Variants in SNTA1 observed in about 807,000 individuals in gnomAD.
SNTA1 encodes syntrophin alpha 1, also known as alpha-1-syntrophin.
In SNTA1, 31 loss-of-function variants were observed where a neutral mutation model predicts 47.1. The observed-to-expected ratio is 0.66, with a 90% confidence interval of 0.49 to 0.89. The LOEUF is 0.89. SNTA1 is among the 40% of genes least tolerant of loss of function. The pLI, the probability that SNTA1 is intolerant of heterozygous loss-of-function variation, is 0.00. For synonymous variants in SNTA1, 300 were observed against 313.6 expected, an observed-to-expected ratio of 0.96 and a Z score of 0.46; for missense variants, 575 against 693.0, an observed-to-expected ratio of 0.83 and a Z score of 1.91.
rs1990641488 is a variant in SNTA1, at chr20:33,443,729, C to A, written c.-109G>T. On this transcript the variant is annotated 5_prime_UTR_variant, in exon 1 of 8. Transcript: ENST00000217381. ...GCAGCGGGGGCCCGGCTGGGCCAGC[C>A]GCCACCCTACCCCGGCCGCTGGGGG... 1 of 629,696 alleles carries A rather than the reference C, an allele frequency of 1.6e-6. No homozygotes were observed. Among genetic ancestry groups the A allele is most frequent in the Non-Finnish European group, 2.1e-6 (1 of 475,264 alleles). The allele number at this position is 629,696 out of a possible 1,614,324, so 39.0% of individuals were successfully genotyped here.
At chr20:33,409,104 C>G (rs1412514218) in intron 6 of SNTA1, among the ~76,000 whole-genome samples, 1 of 152,046 alleles carries the variant, frequency 6.6e-6, no homozygotes, top group African/African-American at 2.4e-5. Context: ...TCCAGCAGCA[C>G]AAGTAGAAAG....
rs6059313 is a variant in SNTA1, at chr20:33,421,130, G to A, written c.497-3207C>T. Among the ~76,000 whole-genome samples the A allele has an allele frequency of 4.5e-3, 607 of 135,916 alleles. 7 individuals carry two copies. The highest frequency in any genetic ancestry group is 0.015 in the African/African-American group (570 of 37,696). The allele number at this position is 135,916 out of a possible 152,430, so 89.2% of individuals were successfully genotyped here. On this transcript the variant is annotated intron_variant, in intron 2 of 7. Coordinates refer to ENST00000217381, the MANE Select transcript of SNTA1 (RefSeq NM_003098.3). ...AGAGGCTGCAGCAAGCCATGATTAC[G>A]CCATTGCACTCCAGTCTGGTAACAG... is the stretch of plus-strand genomic sequence containing the variant.
intron 2 of SNTA1, among the ~76,000 whole-genome samples, chr20:33,429,646 A>G (rs1293809285): frequency 1.3e-5 from 2 of 152,102 alleles, no homozygotes; most frequent in African/African-American, 2.4e-5. Context: ...AACAAAAACA[A>G]AAACAAAAAA....
At position 33,443,610 on chromosome 20, in the gene SNTA1, C is replaced by T; in HGVS notation, c.11G>A (p.Gly4Asp). The change falls in exon 1 of 8, where the codon GGC becomes GAC. Residue 4 changes from glycine (G) to aspartate (D), a missense_variant. Transcript: ENST00000217381. MASGRRAPRTGLLE... is the reference protein window; with the variant it reads MASDRRAPRTGLLE... Reference sequence around the variant, plus strand: ...CAGCCCGGTGCGCGGGGCGCGCCTGCCGGACGCCATCTTCGCCTCCGAGCC... The same window carrying T: ...CAGCCCGGTGCGCGGGGCGCGCCTGTCGGACGCCATCTTCGCCTCCGAGCC... The T allele has an allele frequency of 8.1e-7, 1 of 1,227,062 alleles. No individual in the cohort carries two copies. The highest frequency in any genetic ancestry group is 2.8e-5 in the South Asian group (1 of 35,900). 76.0% of individuals were successfully genotyped at this position (1,227,062 alleles called of 1,614,324 possible). A position where few individuals can be genotyped will look rare whatever the true frequency, so the allele number is the denominator to read the frequency against.
In SNTA1 at chr20:33,443,498, G is replaced by A. The variant is rs1476277698; in HGVS notation, c.123C>T (p.Thr41=). The change falls in exon 1 of 8, where the codon ACC becomes ACT. Residue 41 remains threonine (T), a synonymous_variant. Transcript: ENST00000217381. ...VLLSLAEDVL[T]VSPADGDPGP... ...CAGGGTCGCCGTCGGCGGGGCTCAC[G>A]GTCAGCACGTCCTCCGCCAGACTCA... 1.4e-6 allele frequency: 2 copies of A among 1,379,680 alleles called. No individual in the cohort carries two copies. Among genetic ancestry groups the A allele is most frequent in the Non-Finnish European group, 1.9e-6 (2 of 1,061,670 alleles). The allele number at this position is 1,379,680 out of a possible 1,614,324, so 85.5% of individuals were successfully genotyped here.
intron 2 of SNTA1, among the ~76,000 whole-genome samples, chr20:33,436,860 G>A (rs1478315459): frequency 6.6e-6 from 1 of 150,726 alleles, no homozygotes; most frequent in Non-Finnish European, 1.5e-5. Flanking sequence ...CAGCTACTCG[G>A]AAGGCTAAGG....
rs1186334279 is a variant in SNTA1, at chr20:33,438,960, G to A, written c.377C>T (p.Thr126Ile). Residue 126 changes from threonine (T) to isoleucine (I), a missense_variant, in exon 2 of 8, where the codon ACA (threonine) becomes ATA (isoleucine). Thr to Ile is a moderately conservative substitution (Grantham distance 89). Coordinates refer to ENST00000217381, the MANE Select transcript of SNTA1 (RefSeq NM_003098.3). ...GGCATCCCCCACAAAAAGGGCCTCT[G>A]TCTGGTCAGCTGCCAATCCCTTGAA... The part of the protein sequence containing the change: ...KIFKGLAADQ[T>I]EALFVGDAIL... 2.5e-6 allele frequency: 4 copies of A among 1,614,070 alleles called. No homozygotes were observed. Among genetic ancestry groups the A allele is most frequent in the Non-Finnish European group, 3.4e-6 (4 of 1,180,030 alleles).
At chr20:33,408,661 C>T (rs766323075) in intron 7 of SNTA1, 40 bp downstream of exon 7, 15 of 1,610,764 alleles carry the variant, frequency 9.3e-6, no homozygotes, top group East Asian at 8.9e-5. Context: ...AGAGTGCACA[C>T]CCCCTCCTCC....
chr20:33,421,952 GTC>G (rs1403040688), intron 2 of SNTA1, among the ~76,000 whole-genome samples: 1 of 89,770 alleles, frequency 1.1e-5, no homozygotes, highest in Non-Finnish European at 2.1e-5. Flanking sequence ...GCAAGACCCT[GTC>G]TCCAAAAAAA....
At chr20:33,440,731 C>G (rs1411756183) in intron 1 of SNTA1, among the ~76,000 whole-genome samples, 3 of 151,574 alleles carry the variant, frequency 2.0e-5, no homozygotes, top group Non-Finnish European at 2.9e-5. Flanking sequence ...GGCACGAGAA[C>G]TGCTTGAACC....
intron 6 of SNTA1, among the ~76,000 whole-genome samples, chr20:33,409,438 C>T (rs1423732251): frequency 2.6e-5 from 4 of 151,972 alleles, no homozygotes; most frequent in Admixed American, 6.6e-5. Flanking sequence ...ACCTGCACAT[C>T]CAAAACAGAG....
In SNTA1 at chr20:33,412,320, C is replaced by G; in HGVS notation, c.1016G>C (p.Arg339Pro). 6.2e-7 allele frequency: 1 copy of G among 1,611,660 alleles called. No individual in the cohort carries two copies. Among genetic ancestry groups the G allele is most frequent in the Non-Finnish European group, 8.5e-7 (1 of 1,179,484 alleles). ...ETREALSRPA[R>P]TAPLIATRLV... ...CCTGGTGGCGATGAGTGGGGCAGTA[C>G]GGGCTGGCCGGCTCAGGGCCTCGCG... is the stretch of plus-strand genomic sequence containing the variant. Residue 339 changes from arginine to proline, a missense_variant, in exon 5 of 8, where the codon CGT becomes CCT. Physicochemically the swap from Arg to Pro is moderately radical, Grantham distance 103. Transcript: ENST00000217381.
chr20:33,438,709 G>C, intron 2 of SNTA1, 132 bp downstream of exon 2: 1 of 822,820 alleles, frequency 1.2e-6, no homozygotes, highest in South Asian at 1.4e-5. Flanking sequence ...CCCAAATTCT[G>C]TTTCTGTTTT....
At chr20:33,438,752 G>T in intron 2 of SNTA1, 89 bp downstream of exon 2, 1 of 1,120,858 alleles carries the variant, frequency 8.9e-7, no homozygotes, top group Non-Finnish European at 1.4e-6. Context: ...CCCAGTGCTG[G>T]GATGGGGCCT....
At chr20:33,427,397 C>A (rs1335016927) in intron 2 of SNTA1, among the ~76,000 whole-genome samples, 1 of 152,108 alleles carries the variant, frequency 6.6e-6, no homozygotes, top group Non-Finnish European at 1.5e-5. Context: ...ACCCATCCAC[C>A]CAGGATGGTG....
chr20:33,414,932 T>C (rs1170106023), intron 3 of SNTA1, among the ~76,000 whole-genome samples: 2 of 152,138 alleles, frequency 1.3e-5, no homozygotes, highest in Non-Finnish European at 2.9e-5. Flanking sequence ...CTTGTTGGAG[T>C]TTCTGTACTT....
In SNTA1 at chr20:33,417,766, C is replaced by A; in HGVS notation, c.654G>T (p.Lys218Asn). ...NFSEAKHMSL[K>N]MAYVSKRCTP... is the part of the protein sequence containing the mutation. Reference sequence around the variant, plus strand: ...TGCACCTCTTCGAGACATATGCCATCTTCAAGGACATGTGTTTGGCCTCGC... The same window carrying A: ...TGCACCTCTTCGAGACATATGCCATATTCAAGGACATGTGTTTGGCCTCGC... Residue 218 changes from lysine to asparagine, a missense_variant, in exon 3 of 8, where the codon AAG becomes AAT. By Grantham distance (94) the Lys-to-Asn change is moderately conservative. Transcript: ENST00000217381. The A allele has an allele frequency of 1.9e-6, 3 of 1,614,160 alleles. No homozygotes were observed. The highest frequency in any genetic ancestry group is 2.5e-6 in the Non-Finnish European group (3 of 1,180,030).
intron 1 of SNTA1, among the ~76,000 whole-genome samples, chr20:33,439,290 G>A (rs1261207475): frequency 1.3e-5 from 2 of 152,090 alleles, no homozygotes; most frequent in East Asian, 1.9e-4. Flanking sequence ...GGTCACCTGA[G>A]GTCAGGAGTT....
intron 2 of SNTA1, among the ~76,000 whole-genome samples, chr20:33,418,792 CAAAAAAAAAAAAAA>C (rs760390793): frequency 0.015 from 870 of 57,436 alleles, 16 homozygotes; most frequent in African/African-American, 0.075. Context: ...GACTCTGTCT[CAAAAAAAAAAAAAA>C]AAAAAAAAAA....
Sources: gnomAD v4.1 joint callset for allele counts (sites outside exome capture counted in the v4.1 genomes callset) on GRCh38, gnomAD v4.1.1 for gene constraint, MANE v1.5 for transcripts, NCBI Gene and HGNC (gene_info 2026-07-23, HGNC 2026-07-21) for gene names.